The following PLCB1 variants were observed in gnomAD, a reference collection of about 807,000 sequenced individuals.
PLCB1 encodes phospholipase C beta 1.
A neutral mutation model predicts 161.8 loss-of-function variants in PLCB1; 46 were observed. The observed-to-expected ratio is 0.28, with a 90% CI of 0.22 to 0.36. The LOEUF (loss-of-function observed/expected upper bound fraction) is 0.36. PLCB1 is among the 10% of genes least tolerant of loss of function. The pLI is 1.00. For synonymous variants in PLCB1, 517 were observed against 503.7 expected, an observed-to-expected ratio of 1.03 and a Z score of -0.35; for missense variants, 1,016 against 1,472.5, an observed-to-expected ratio of 0.69 and a Z score of 5.07.
At chr20:8,780,704 T>C (rs750411012) in intron 27 of PLCB1, among the ~76,000 whole-genome samples, 8 of 152,178 alleles carry the variant, frequency 5.3e-5, no homozygotes, top group Non-Finnish European at 8.8e-5. Flanking sequence ...AGATCAGCTA[T>C]GAATGGACGA....
chr20:8,818,114 A>G (rs1985163917), intron 31 of PLCB1, among the ~76,000 whole-genome samples: 2 of 152,196 alleles, frequency 1.3e-5, no homozygotes, highest in African/African-American at 4.8e-5. Context: ...AGATTATCTG[A>G]AGAGGTTATG....
chr20:8,203,139 G>C (rs890519284), intron 2 of PLCB1, among the ~76,000 whole-genome samples: 3 of 151,966 alleles, frequency 2.0e-5, no homozygotes, highest in African/African-American at 7.3e-5. Flanking sequence ...GCAGTGGCAT[G>C]GAGGATCATT....
At chr20:8,834,862 A>G (rs1201204992) in intron 31 of PLCB1, among the ~76,000 whole-genome samples, 2 of 151,252 alleles carry the variant, frequency 1.3e-5, no homozygotes, top group Admixed American at 1.3e-4. Context: ...AGAATAAAAA[A>G]GAACCAATGT....
chr20:8,593,210 T>C (rs2123114542), intron 3 of PLCB1, among the ~76,000 whole-genome samples: 1 of 152,186 alleles, frequency 6.6e-6, no homozygotes, highest in East Asian at 1.9e-4. Context: ...TCTTGCTCCG[T>C]CACCCAGGCT....
rs79019217 is a variant in PLCB1 at position 8,655,970 on chromosome 20, T to C, written c.595-1214T>C. 7.2e-3 allele frequency among the ~76,000 whole-genome samples: 1,093 copies of C among 152,092 alleles called. 17 individuals carry two copies. The highest frequency in any genetic ancestry group is 0.025 in the African/African-American group (1,045 of 41,530). ...TCTTTCTATAAATCAAGAGGACTTT[T>C]GGAAACCTGCTTGCAGGTTATACTT... is the stretch of plus-strand genomic sequence containing the variant. On this transcript the variant is annotated intron_variant, in intron 7 of 31. Transcript: ENST00000338037.
At chr20:8,337,413 C>CA (rs772064830) in intron 2 of PLCB1, among the ~76,000 whole-genome samples, 53 of 152,156 alleles carry the variant, frequency 3.5e-4, no homozygotes, top group Non-Finnish European at 7.1e-4. Flanking sequence ...CACCTTATAT[C>CA]AAAATGTGAG....
At chr20:8,332,235 A>G (rs1460730609) in intron 2 of PLCB1, among the ~76,000 whole-genome samples, 1 of 152,210 alleles carries the variant, frequency 6.6e-6, no homozygotes, top group East Asian at 1.9e-4. Flanking sequence ...GCAGTGGGGA[A>G]GGATTTGGGA....
chr20:8,715,148 G>A (rs971758435), intron 12 of PLCB1, among the ~76,000 whole-genome samples: 4 of 152,230 alleles, frequency 2.6e-5, no homozygotes, highest in Admixed American at 6.5e-5. Context: ...AATCAAGTTC[G>A]ACAGACTGTA....
At chr20:8,552,897 T>C (rs970483552) in intron 3 of PLCB1, among the ~76,000 whole-genome samples, 1 of 152,112 alleles carries the variant, frequency 6.6e-6, no homozygotes, top group Non-Finnish European at 1.5e-5. Context: ...GCTGATTTCA[T>C]GGTGAATATG....
intron 2 of PLCB1, among the ~76,000 whole-genome samples, chr20:8,314,668 A>G (rs954962836): frequency 6.6e-6 from 1 of 152,244 alleles, no homozygotes; most frequent in African/African-American, 2.4e-5. Flanking sequence ...GTAAGCACTG[A>G]ATAAAATACT....
chr20:8,480,938 T>C (rs1982473321), intron 3 of PLCB1, among the ~76,000 whole-genome samples: 1 of 152,176 alleles, frequency 6.6e-6, no homozygotes, highest in Admixed American at 6.5e-5. Flanking sequence ...ACCTGGTCTT[T>C]ACCAAAAATA....
At chr20:8,831,983 C>CTTTCT (rs1986035440) in intron 31 of PLCB1, among the ~76,000 whole-genome samples, 1 of 48,344 alleles carries the variant, frequency 2.1e-5, no homozygotes, top group African/African-American at 9.1e-5. Flanking sequence ...TCTTTCTTTC[C>CTTTCT]TTCTTTCTTT....
At chr20:8,477,583 G>A (rs537367799) in intron 3 of PLCB1, among the ~76,000 whole-genome samples, 40 of 152,280 alleles carry the variant, frequency 2.6e-4, no homozygotes, top group East Asian at 9.7e-4. Flanking sequence ...TATTTAGTTC[G>A]TGGTTCTGCA....
At chr20:8,519,623 A>C (rs920994616) in intron 3 of PLCB1, among the ~76,000 whole-genome samples, 2 of 152,142 alleles carry the variant, frequency 1.3e-5, no homozygotes, top group African/African-American at 4.8e-5. Context: ...TCCCAGGGTA[A>C]ATAAAGGCAG....
At chr20:8,135,536 T>G (rs1295458633) in intron 1 of PLCB1, among the ~76,000 whole-genome samples, 1 of 152,144 alleles carries the variant, frequency 6.6e-6, no homozygotes, top group African/African-American at 2.4e-5. Flanking sequence ...GGGTAATAGA[T>G]CCTGGAGATA....
chr20:8,203,730 CTT>C, intron 2 of PLCB1, among the ~76,000 whole-genome samples: 1 of 152,064 alleles, frequency 6.6e-6, no homozygotes, highest in South Asian at 2.1e-4. Context: ...TTGGAGGACA[CTT>C]TATTGAAAAT....
intron 31 of PLCB1, among the ~76,000 whole-genome samples, chr20:8,813,539 A>G (rs1368412940): frequency 1.3e-5 from 2 of 152,192 alleles, no homozygotes; most frequent in African/African-American, 4.8e-5. Flanking sequence ...TGTTGTAAAA[A>G]TGAATGAGGG....
intron 2 of PLCB1, among the ~76,000 whole-genome samples, chr20:8,309,537 A>G (rs969510263): frequency 1.3e-5 from 2 of 152,240 alleles, no homozygotes; most frequent in Non-Finnish European, 2.9e-5. Context: ...AAACTGGCTA[A>G]TAGTTTTGTT....
intron 3 of PLCB1, among the ~76,000 whole-genome samples, chr20:8,607,663 T>G (rs1987796338): frequency 6.6e-6 from 1 of 152,210 alleles, no homozygotes; most frequent in Admixed American, 6.5e-5. Context: ...CATTTTATTT[T>G]CATCATTGAC....
Sources: allele counts gnomAD v4.1 joint callset (sites outside exome capture counted in the v4.1 genomes callset), GRCh38; gene constraint gnomAD v4.1.1; transcripts MANE v1.5; gene names NCBI Gene and HGNC (gene_info 2026-07-23, HGNC 2026-07-21).